The following SGCZ variants were observed in gnomAD, a reference collection of about 807,000 sequenced individuals.
The protein encoded by SGCZ is zeta-sarcoglycan.
SGCZ carries 40 observed loss-of-function variants against 41.3 expected under a neutral mutation model. The ratio of observed to expected loss-of-function variants is 0.97; its 90% confidence interval spans 0.75 to 1.26. The LOEUF (loss-of-function observed/expected upper bound fraction) is 1.26, where lower values mean the gene tolerates loss of function less well. Among genes scored for constraint, SGCZ ranks in the 50% most tolerant of loss-of-function variants. The pLI, the probability that SGCZ is intolerant of heterozygous loss-of-function variation, is 0.00. For synonymous variants in SGCZ, 206 were observed against 137.5 expected (o/e 1.50, Z -3.49); for missense variants, 552 against 369.8 (o/e 1.49, Z -4.04).
intron 1 of SGCZ, among the ~76,000 whole-genome samples, chr8:14,958,858 A>G (rs1800877162): frequency 6.6e-6 from 1 of 152,150 alleles, no homozygotes; most frequent in Non-Finnish European, 1.5e-5. Flanking sequence ...AAAAGACATA[A>G]ATAGGCAGAT....
At chr8:14,898,116 AG>A (rs1260971426) in intron 1 of SGCZ, among the ~76,000 whole-genome samples, 1 of 151,790 alleles carries the variant, frequency 6.6e-6, no homozygotes, top group Non-Finnish European at 1.5e-5. Flanking sequence ...AAAAAAAAAA[AG>A]AATCAACATT....
At chr8:14,309,493 T>C (rs1801456795) in intron 3 of SGCZ, 4 of 1,608,190 alleles carry the variant, frequency 2.5e-6, no homozygotes, top group Non-Finnish European at 3.4e-6. Context: ...ATGTTAGAGC[T>C]AATTGTGATA....
chr8:14,105,906 A>G (rs1802187927), intron 6 of SGCZ, among the ~76,000 whole-genome samples: 1 of 152,166 alleles, frequency 6.6e-6, no homozygotes, highest in South Asian at 2.1e-4. Flanking sequence ...AGAAATAAAA[A>G]AAAGTTCTTT....
At chr8:14,886,267 C>T (rs1255849782) in intron 1 of SGCZ, among the ~76,000 whole-genome samples, 1 of 151,544 alleles carries the variant, frequency 6.6e-6, no homozygotes, top group East Asian at 2.0e-4. Flanking sequence ...GTTTTCCATC[C>T]TGAGAGATAG....
chr8:14,151,331 A>G (rs1803702746), intron 5 of SGCZ, among the ~76,000 whole-genome samples: 1 of 152,138 alleles, frequency 6.6e-6, no homozygotes, highest in Non-Finnish European at 1.5e-5. Flanking sequence ...AAATTAAAAA[A>G]TTAAACCATA....
intron 2 of SGCZ, among the ~76,000 whole-genome samples, chr8:14,537,234 T>A (rs1481329944): frequency 6.6e-6 from 1 of 151,928 alleles, no homozygotes; most frequent in Non-Finnish European, 1.5e-5. Context: ...TTCTGTCATC[T>A]TGGGAGCACA....
intron 1 of SGCZ, among the ~76,000 whole-genome samples, chr8:14,729,993 G>T (rs376347363): frequency 6.6e-6 from 1 of 152,154 alleles, no homozygotes; most frequent in Non-Finnish European, 1.5e-5. Flanking sequence ...GCTACGGCAG[G>T]AGAATTGCTT....
At chr8:14,265,933 G>C (rs1799852444) in intron 3 of SGCZ, among the ~76,000 whole-genome samples, 1 of 151,516 alleles carries the variant, frequency 6.6e-6, no homozygotes, top group African/African-American at 2.4e-5. Context: ...CACACAGTCA[G>C]AAAAAAAGAA....
At chr8:14,300,944 A>G (rs1219573655) in intron 3 of SGCZ, among the ~76,000 whole-genome samples, 1 of 152,008 alleles carries the variant, frequency 6.6e-6, no homozygotes, top group African/African-American at 2.4e-5. Context: ...AGAAGGAGGT[A>G]GAGTGAAGAT....
intron 1 of SGCZ, among the ~76,000 whole-genome samples, chr8:14,789,234 T>C (rs1240204073): frequency 2.0e-5 from 3 of 152,122 alleles, no homozygotes; most frequent in South Asian, 4.1e-4. Flanking sequence ...AAAAGTGTGA[T>C]ACTAAATATA....
intron 1 of SGCZ, among the ~76,000 whole-genome samples, chr8:14,936,780 C>A (rs560134677): frequency 6.6e-6 from 1 of 151,218 alleles, no homozygotes; most frequent in Non-Finnish European, 1.5e-5. Context: ...AAATGAGATT[C>A]GAAATTATGA....
At chr8:15,091,710 G>C (rs903149243) in intron 1 of SGCZ, among the ~76,000 whole-genome samples, 3 of 152,058 alleles carry the variant, frequency 2.0e-5, no homozygotes, top group South Asian at 4.1e-4. Context: ...CATTGTTATA[G>C]ACATTATAGC....
At chr8:14,991,003 A>G (rs1050980089) in intron 1 of SGCZ, among the ~76,000 whole-genome samples, 16 of 152,190 alleles carry the variant, frequency 1.1e-4, no homozygotes, top group South Asian at 2.1e-4. Flanking sequence ...TTGCTTACAC[A>G]TGATTGTTTA....
chr8:14,860,219 A>G (rs1803675051), intron 1 of SGCZ, among the ~76,000 whole-genome samples: 3 of 150,692 alleles, frequency 2.0e-5, no homozygotes, highest in African/African-American at 7.4e-5. Context: ...CTTCTTATTG[A>G]CATTTTATGA....
chr8:14,446,601 AC>A (rs1377102199), intron 2 of SGCZ, among the ~76,000 whole-genome samples: 1 of 152,170 alleles, frequency 6.6e-6, no homozygotes, highest in Non-Finnish European at 1.5e-5. Context: ...AAAATGCTTA[AC>A]TTTTCTCCTT....
intron 4 of SGCZ, among the ~76,000 whole-genome samples, chr8:14,189,269 A>G (rs1805014434): frequency 6.6e-6 from 1 of 152,096 alleles, no homozygotes; most frequent in Admixed American, 6.5e-5. Context: ...TTCCCAATAT[A>G]TCTTCTTCAC....
chr8:14,559,933 C>T (rs531099414), intron 1 of SGCZ, among the ~76,000 whole-genome samples: 2 of 152,080 alleles, frequency 1.3e-5, no homozygotes, highest in East Asian at 3.9e-4. Context: ...ATGTGAAACC[C>T]ATTATGTTAT....
At chr8:14,629,228 T>A (rs1472774207) in intron 1 of SGCZ, among the ~76,000 whole-genome samples, 1 of 152,148 alleles carries the variant, frequency 6.6e-6, no homozygotes, top group African/African-American at 2.4e-5. Context: ...CACTGTAGAA[T>A]GGAGTTACTA....
intron 3 of SGCZ, among the ~76,000 whole-genome samples, chr8:14,316,423 A>G (rs1801716598): frequency 6.6e-6 from 1 of 152,024 alleles, no homozygotes; most frequent in African/African-American, 2.4e-5. Context: ...GAAAAATGAT[A>G]AAATCATCTT....
Sources: allele counts gnomAD v4.1 joint callset (sites outside exome capture counted in the v4.1 genomes callset), GRCh38; gene constraint gnomAD v4.1.1; transcripts MANE v1.5; gene names NCBI Gene and HGNC (gene_info 2026-07-23, HGNC 2026-07-21).